GDAP1L1: variants seen among roughly 807,000 people sequenced by gnomAD.
The protein encoded by GDAP1L1 is ganglioside-induced differentiation-associated protein 1-like 1.
GDAP1L1 carries 21 observed loss-of-function variants against 37.1 expected under a neutral mutation model. The observed-to-expected ratio is 0.57, with a 90% CI of 0.40 to 0.81. The LOEUF is 0.81. Among genes scored for constraint, GDAP1L1 ranks in the 40% least tolerant of loss-of-function variants. The pLI is 0.00. For missense variants in GDAP1L1, 362 were observed against 491.6 expected, an observed-to-expected ratio of 0.74 and a Z score of 2.49; for synonymous variants, 193 against 209.1, an observed-to-expected ratio of 0.92 and a Z score of 0.67.
Position 44,280,005 on chromosome 20 carries a change from C to G in GDAP1L1, c.*705C>G, listed in dbSNP as rs1205310475. The G allele has an allele frequency of 2.9e-6, 1 of 344,126 alleles. No homozygotes were observed. Among genetic ancestry groups the G allele is most frequent in the Non-Finnish European group, 5.7e-6 (1 of 174,880 alleles). The allele number at this position is 344,126 out of a possible 1,614,324, so 21.3% of individuals were successfully genotyped here. A position where few individuals can be genotyped will look rare whatever the true frequency, so the allele number is the denominator to read the frequency against. Reference sequence around the variant, plus strand: ...CTCTGAAGGCAGCAGCCATCATCCTCTTCCTACCTTGAGTTTTTCTACCCT... The same window carrying G: ...CTCTGAAGGCAGCAGCCATCATCCTGTTCCTACCTTGAGTTTTTCTACCCT... On this transcript the variant is annotated 3_prime_UTR_variant, in exon 6 of 6. Transcript: ENST00000342560.
chr20:44,279,649 G>A lies in GDAP1L1; in HGVS notation c.*349G>A. The A allele has an allele frequency of 2.1e-6, 1 of 484,502 alleles. No homozygotes were observed. The highest frequency in any genetic ancestry group is 4.2e-6 in the Non-Finnish European group (1 of 236,264). The allele number at this position is 484,502 out of a possible 1,614,324, so 30.0% of individuals were successfully genotyped here. A position where few individuals can be genotyped will look rare whatever the true frequency, so the allele number is the denominator to read the frequency against. On this transcript the variant is annotated 3_prime_UTR_variant, in exon 6 of 6. Coordinates refer to ENST00000342560, the MANE Select transcript of GDAP1L1 (RefSeq NM_024034.6). ...GAGTCCCAGGATGTTTCGTCCACCA[G>A]GGCCCAGATTCTGGGAGGTGCTGGG...
rs545722794 is a variant in GDAP1L1 at position 44,267,431 on chromosome 20, G to A, written c.760+2872G>A. Reference sequence around the variant, plus strand: ...TCGAGACCAGCCTGGCCAACATGGTGAAACCCTATCTCTACTAAAAATACA... The same window carrying A: ...TCGAGACCAGCCTGGCCAACATGGTAAAACCCTATCTCTACTAAAAATACA... On this transcript the variant is annotated intron_variant, in intron 5 of 5. Transcript: ENST00000342560. Among the ~76,000 whole-genome samples, 113 of 152,174 alleles carry A rather than the reference G, an allele frequency of 7.4e-4. 1 individual carries two copies. Among genetic ancestry groups the A allele is most frequent in the African/African-American group, 2.5e-3 (104 of 41,506 alleles).
At position 44,279,650 on chromosome 20, in the gene GDAP1L1, G is replaced by A. The variant is rs970836484; in HGVS notation, c.*350G>A. The A allele has an allele frequency of 6.2e-6, 3 of 484,018 alleles. No individual in the cohort carries two copies. The highest frequency in any genetic ancestry group is 4.0e-5 in the African/African-American group (2 of 50,618). The allele number at this position is 484,018 out of a possible 1,614,324, so 30.0% of individuals were successfully genotyped here. A position where few individuals can be genotyped will look rare whatever the true frequency, so the allele number is the denominator to read the frequency against. On this transcript the variant is annotated 3_prime_UTR_variant, in exon 6 of 6. Transcript: ENST00000342560. ...AGTCCCAGGATGTTTCGTCCACCAG[G>A]GCCCAGATTCTGGGAGGTGCTGGGG...
rs538690355 is a variant in GDAP1L1 at position 44,279,629 on chromosome 20, C to T, written c.*329C>T. On this transcript the variant is annotated 3_prime_UTR_variant, in exon 6 of 6. Transcript: ENST00000342560. ...GACTGGTTAGGATCTGAGGTGAGTC[C>T]CAGGATGTTTCGTCCACCAGGGCCC... 39 of 495,118 alleles carry T rather than the reference C, an allele frequency of 7.9e-5. No individual in the cohort carries two copies. The highest frequency in any genetic ancestry group is 7.0e-4 in the African/African-American group (36 of 51,250). The allele number at this position is 495,118 out of a possible 1,614,324, so 30.7% of individuals were successfully genotyped here. A position where few individuals can be genotyped will look rare whatever the true frequency, so the allele number is the denominator to read the frequency against.
At position 44,260,296 on chromosome 20, in the gene GDAP1L1, A is replaced by AC. The variant is rs986219589; in HGVS notation, c.547+1689_547+1690insC. Among the ~76,000 whole-genome samples, 29 of 151,860 alleles carry AC rather than the reference A, an allele frequency of 1.9e-4. 1 individual carries two copies. Among genetic ancestry groups the AC allele is most frequent in the African/African-American group, 6.0e-4 (25 of 41,372 alleles). The stretch of plus-strand genomic sequence containing the variant: ...AAAAAAGTGAAGGGCAAAAAAAAAA[A>AC]AACAACATCTAGTGTGCTCTCATTA... On this transcript the variant is annotated intron_variant, in intron 3 of 5. Coordinates refer to ENST00000342560, the MANE Select transcript of GDAP1L1 (RefSeq NM_024034.6).
At chr20:44,263,591 C>G (rs2073711657) in intron 4 of GDAP1L1, among the ~76,000 whole-genome samples, 1 of 152,206 alleles carries the variant, frequency 6.6e-6, no homozygotes, top group Admixed American at 6.5e-5. Flanking sequence ...CTCCTGTAAT[C>G]CCAGCACTTT....
In GDAP1L1 at chr20:44,264,428, C is replaced by T. The variant is rs1284979031; in HGVS notation, c.646-17C>T. 6.8e-7 allele frequency: 1 copy of T among 1,467,316 alleles called. No homozygotes were observed. The highest frequency in any genetic ancestry group is 2.4e-5 in the East Asian group (1 of 41,206). 90.9% of individuals were successfully genotyped at this position (1,467,316 alleles called of 1,614,324 possible). A position where few individuals can be genotyped will look rare whatever the true frequency, so the allele number is the denominator to read the frequency against. On this transcript the variant is annotated splice_polypyrimidine_tract_variant and intron_variant, in intron 4 of 5. Transcript: ENST00000342560. Reference sequence around the variant, plus strand: ...TTGAGGCCAACTCAGCTTCTCTTGGCCCTGTCCTGCCCCCAGGCCAAGATC... The same window carrying T: ...TTGAGGCCAACTCAGCTTCTCTTGGTCCTGTCCTGCCCCCAGGCCAAGATC...
At chr20:44,251,671 A>C (rs1194472797) in intron 1 of GDAP1L1, among the ~76,000 whole-genome samples, 1 of 152,182 alleles carries the variant, frequency 6.6e-6, no homozygotes, top group Non-Finnish European at 1.5e-5. Context: ...AGAAGCCTGC[A>C]GTGGCTCCCC....
intron 5 of GDAP1L1, among the ~76,000 whole-genome samples, chr20:44,277,048 G>C (rs2146063130): frequency 6.6e-6 from 1 of 151,972 alleles, no homozygotes; most frequent in East Asian, 1.9e-4. Context: ...TTTCGAGATG[G>C]GGTTTCGCTC....
At chr20:44,278,912 G>T in intron 5 of GDAP1L1, 45 bp from the exon 6 acceptor site, 1 of 1,278,270 alleles carries the variant, frequency 7.8e-7, no homozygotes, top group Non-Finnish European at 1.1e-6. Context: ...AAGTGTGTGT[G>T]TTAGGGGAGG....
At chr20:44,266,606 G>A (rs2073765642) in intron 5 of GDAP1L1, among the ~76,000 whole-genome samples, 1 of 152,178 alleles carries the variant, frequency 6.6e-6, no homozygotes. Flanking sequence ...AGACATCTCA[G>A]ATCAAGGTGC....
In GDAP1L1 at chr20:44,279,894, G is replaced by A; in HGVS notation, c.*594G>A. 2.4e-6 allele frequency: 1 copy of A among 421,012 alleles called. No homozygotes were observed. Among genetic ancestry groups the A allele is most frequent in the Non-Finnish European group, 4.8e-6 (1 of 207,124 alleles). The allele number at this position is 421,012 out of a possible 1,614,324, so 26.1% of individuals were successfully genotyped here. A position where few individuals can be genotyped will look rare whatever the true frequency, so the allele number is the denominator to read the frequency against. The stretch of plus-strand genomic sequence containing the variant: ...CAAGGCAGTGGCACCCAAAAACCAG[G>A]CTGCAGTGGGGACGGATACCATGAG... On this transcript the variant is annotated 3_prime_UTR_variant, in exon 6 of 6. Coordinates refer to ENST00000342560, the MANE Select transcript of GDAP1L1 (RefSeq NM_024034.6).
Position 44,247,425 on chromosome 20 carries a change from C to T in GDAP1L1, c.91C>T (p.Pro31Ser). The change falls in exon 1 of 6, where the codon CCC becomes TCC. Residue 31 changes from proline to serine, a missense_variant. By Grantham distance (74) the Pro-to-Ser change is moderately conservative (BLOSUM62 -1). Transcript: ENST00000342560. ...CGATGCGGCCAAGCCAGCGGAGGCC[C>T]CCGACGCTCCCGAGGCGGCCAGCCC... The part of the protein sequence containing the change: ...ESDAAKPAEA[P>S]DAPEAASPAH... The T allele has an allele frequency of 6.2e-7, 1 of 1,610,206 alleles. No homozygotes were observed.
At chr20:44,253,228 T>C (rs975743404) in intron 1 of GDAP1L1, among the ~76,000 whole-genome samples, 6 of 152,178 alleles carry the variant, frequency 3.9e-5, no homozygotes, top group African/African-American at 1.2e-4. Context: ...GTCAGTTCCC[T>C]GAGGGCAGGG....
chr20:44,270,922 G>A (rs142977518), intron 5 of GDAP1L1, among the ~76,000 whole-genome samples: 12 of 152,326 alleles, frequency 7.9e-5, no homozygotes, highest in Admixed American at 2.0e-4. Context: ...ATTGGGCTCC[G>A]CTGAAGGGAG....
chr20:44,277,922 G>A (rs1358085736), intron 5 of GDAP1L1, among the ~76,000 whole-genome samples: 1 of 152,124 alleles, frequency 6.6e-6, no homozygotes, highest in African/African-American at 2.4e-5. Flanking sequence ...GGGAGACCGA[G>A]GTGGGCGGAT....
chr20:44,267,953 G>A (rs145932662), intron 5 of GDAP1L1, among the ~76,000 whole-genome samples: 169 of 152,276 alleles, frequency 1.1e-3, no homozygotes, highest in African/African-American at 3.7e-3. Context: ...GAGAGGTGTC[G>A]ACAGTCCTTG....
intron 2 of GDAP1L1, among the ~76,000 whole-genome samples, chr20:44,258,035 A>C (rs751779283): frequency 3.9e-5 from 6 of 152,116 alleles, no homozygotes; most frequent in East Asian, 3.9e-4. Flanking sequence ...TGCCCATTGC[A>C]TAGGCTCAGA....
At chr20:44,264,341 G>C in intron 4 of GDAP1L1, 104 bp from the exon 5 acceptor site, 1 of 1,313,508 alleles carries the variant, frequency 7.6e-7, no homozygotes, top group South Asian at 2.1e-5. Flanking sequence ...GGGGCATTTG[G>C]AGGCTGGGTT....
Sources: gnomAD v4.1 joint callset for allele counts (sites outside exome capture counted in the v4.1 genomes callset) on GRCh38, gnomAD v4.1.1 for gene constraint, MANE v1.5 for transcripts, NCBI Gene and HGNC (gene_info 2026-07-23, HGNC 2026-07-21) for gene names.